PRKCE: variants seen among roughly 807,000 people sequenced by gnomAD.
The protein encoded by PRKCE is protein kinase C epsilon type.
Under a neutral mutation model 85.4 loss-of-function variants are expected in PRKCE, and 16 were observed. That is an observed-to-expected ratio of 0.19 (90% CI 0.13 to 0.28). The LOEUF is 0.28. Among genes scored for constraint, PRKCE ranks in the 10% least tolerant of loss-of-function variants. PRKCE has a pLI of 1.00. For missense variants in PRKCE, 573 were observed against 975.2 expected (o/e 0.59, Z 5.49); for synonymous variants, 388 against 371.5 (o/e 1.04, Z -0.51).
chr2:46,156,004 T>TA (rs58699940), intron 13 of PRKCE, among the ~76,000 whole-genome samples: 1,255 of 106,776 alleles, frequency 0.012, 7 homozygotes, highest in African/African-American at 0.038. Flanking sequence ...TTAAAGTATA[T>TA]AAAAAAAAAA....
At chr2:45,939,702 G>A (rs1441075270) in intron 2 of PRKCE, among the ~76,000 whole-genome samples, 3 of 152,016 alleles carry the variant, frequency 2.0e-5, no homozygotes, top group Non-Finnish European at 4.4e-5. Flanking sequence ...CTACAGGTGC[G>A]TGCCACCAGG....
chr2:45,801,451 G>T (rs1313434378), intron 1 of PRKCE, among the ~76,000 whole-genome samples: 2 of 152,110 alleles, frequency 1.3e-5, no homozygotes, highest in Non-Finnish European at 2.9e-5. Context: ...GAACAGGAAG[G>T]GGAGCAGTGG....
At chr2:46,091,018 C>A (rs1252101907) in intron 11 of PRKCE, among the ~76,000 whole-genome samples, 3 of 152,186 alleles carry the variant, frequency 2.0e-5, no homozygotes, top group Admixed American at 2.0e-4. Context: ...GAAGTCATTT[C>A]TCTGGCTCAC....
chr2:45,867,175 C>G (rs372618298), intron 2 of PRKCE, among the ~76,000 whole-genome samples: 1 of 152,126 alleles, frequency 6.6e-6, no homozygotes. Context: ...AAAATCCAGA[C>G]AGAAAAACAG....
chr2:46,025,821 G>A (rs2104910833), intron 10 of PRKCE, among the ~76,000 whole-genome samples: 1 of 152,322 alleles, frequency 6.6e-6, no homozygotes, highest in South Asian at 2.1e-4. Flanking sequence ...TGTTTGTGTA[G>A]TTCAGATCCA....
At chr2:45,654,278 G>A (rs1464965217) in intron 1 of PRKCE, among the ~76,000 whole-genome samples, 1 of 152,224 alleles carries the variant, frequency 6.6e-6, no homozygotes, top group South Asian at 2.1e-4. Context: ...CCCAAACTCT[G>A]GGAGCTTCAG....
chr2:46,105,867 A>T (rs771978185), intron 11 of PRKCE, among the ~76,000 whole-genome samples: 15 of 152,220 alleles, frequency 9.9e-5, no homozygotes, highest in Non-Finnish European at 1.6e-4. Context: ...ATACTGCATC[A>T]TTACATTCAT....
intron 1 of PRKCE, among the ~76,000 whole-genome samples, chr2:45,804,204 G>A (rs879397813): frequency 1.2e-4 from 18 of 152,176 alleles, no homozygotes; most frequent in Non-Finnish European, 1.9e-4. Context: ...CCAATGCTGC[G>A]TAGCCAAAGC....
At chr2:45,684,844 T>G (rs373356187) in intron 1 of PRKCE, among the ~76,000 whole-genome samples, 18 of 152,230 alleles carry the variant, frequency 1.2e-4, no homozygotes, top group African/African-American at 4.1e-4. Flanking sequence ...GTCAACCCCA[T>G]TTGTAATTTG....
intron 2 of PRKCE, among the ~76,000 whole-genome samples, chr2:45,920,979 C>G (rs905483435): frequency 6.6e-6 from 1 of 152,228 alleles, no homozygotes; most frequent in Non-Finnish European, 1.5e-5. Context: ...ATAAAGCAAG[C>G]AGGCTCTCAG....
intron 10 of PRKCE, among the ~76,000 whole-genome samples, chr2:46,029,331 C>T (rs1707351390): frequency 6.6e-6 from 1 of 152,160 alleles, no homozygotes; most frequent in South Asian, 2.1e-4. Context: ...ACAGTGCTGT[C>T]TCAGATAATA....
intron 11 of PRKCE, among the ~76,000 whole-genome samples, chr2:46,086,877 C>A (rs1009701766): frequency 6.6e-6 from 1 of 152,170 alleles, no homozygotes; most frequent in Non-Finnish European, 1.5e-5. Flanking sequence ...CAATATCCAA[C>A]AGGAAGTTAC....
chr2:45,807,409 G>A (rs1461177869), intron 1 of PRKCE, among the ~76,000 whole-genome samples: 3 of 152,220 alleles, frequency 2.0e-5, no homozygotes, highest in Non-Finnish European at 2.9e-5. Flanking sequence ...CTCTCAAAAG[G>A]CGATGTGTTT....
chr2:46,025,261 G>A (rs1270019112), intron 10 of PRKCE, among the ~76,000 whole-genome samples: 1 of 152,192 alleles, frequency 6.6e-6, no homozygotes, highest in African/African-American at 2.4e-5. Context: ...TTAAAAAACA[G>A]CTGTGCAGGA....
chr2:46,121,076 C>T (rs779262518), intron 11 of PRKCE, among the ~76,000 whole-genome samples: 1 of 152,124 alleles, frequency 6.6e-6, no homozygotes, highest in Non-Finnish European at 1.5e-5. Context: ...GGATTCATTC[C>T]CAAAGTAAAA....
intron 2 of PRKCE, among the ~76,000 whole-genome samples, chr2:45,937,262 G>A (rs920937890): frequency 2.0e-5 from 3 of 152,220 alleles, no homozygotes; most frequent in Admixed American, 6.5e-5. Flanking sequence ...TGGTGTCCCG[G>A]CCATAGCTGT....
intron 1 of PRKCE, among the ~76,000 whole-genome samples, chr2:45,764,486 T>A (rs1271074931): frequency 6.6e-6 from 1 of 152,210 alleles, no homozygotes; most frequent in Non-Finnish European, 1.5e-5. Flanking sequence ...GGGTTCAGTT[T>A]TTAGACATGA....
chr2:45,707,823 CG>C lies in PRKCE; in HGVS notation c.348+55376del, dbSNP rs1679242015. 5.3e-5 allele frequency among the ~76,000 whole-genome samples: 8 copies of C among 152,348 alleles called. No individual in the cohort carries two copies. In the South Asian group the frequency reaches 1.7e-3, roughly 32 times the overall value. ...GATGTGAGAGCCAGCATGGAAGGAG[CG>C]ATGGCTCTGACTGTCCCCTTCTCCT... On this transcript the variant is annotated intron_variant, in intron 1 of 14. Coordinates refer to ENST00000306156, the MANE Select transcript of PRKCE (RefSeq NM_005400.3).
At chr2:46,100,692 T>G (rs573282781) in intron 11 of PRKCE, among the ~76,000 whole-genome samples, 196 of 152,378 alleles carry the variant, frequency 1.3e-3, no homozygotes, top group African/African-American at 4.5e-3. Flanking sequence ...ATCTGTTGTT[T>G]GAAGAGCAGT....
Sources: gnomAD v4.1 joint callset for allele counts (sites outside exome capture counted in the v4.1 genomes callset) on GRCh38, gnomAD v4.1.1 for gene constraint, MANE v1.5 for transcripts, NCBI Gene and HGNC (gene_info 2026-07-23, HGNC 2026-07-21) for gene names.